The following SNAP91 variants were observed in gnomAD, a reference collection of about 807,000 sequenced individuals.
SNAP91 encodes the protein synaptosome associated protein 91.
In SNAP91, 27 loss-of-function variants were observed where a neutral mutation model predicts 100.3. The ratio of observed to expected loss-of-function variants is 0.27; its 90% confidence interval spans 0.20 to 0.37. SNAP91 has a LOEUF of 0.37. Ranked by LOEUF, SNAP91 falls within the 10% of genes least tolerant of loss-of-function variation. The probability of loss-of-function intolerance (pLI) is 1.00; values close to 1 mark genes in which losing one functional copy is unlikely to be tolerated. For synonymous variants in SNAP91, 404 were observed against 398.6 expected (o/e 1.01, Z -0.16); for missense variants, 986 against 1,123.7 (o/e 0.88, Z 1.75).
chr6:83,699,891 T>C (rs1460953277), intron 2 of SNAP91, among the ~76,000 whole-genome samples: 1 of 152,212 alleles, frequency 6.6e-6, no homozygotes, highest in African/African-American at 2.4e-5. Flanking sequence ...ATAACTGTCA[T>C]TCTAGAATCT....
At chr6:83,632,545 TAAAC>T (rs2097252393) in intron 8 of SNAP91, among the ~76,000 whole-genome samples, 1 of 152,218 alleles carries the variant, frequency 6.6e-6, no homozygotes, top group South Asian at 2.1e-4. Flanking sequence ...GTTTGGTTGT[TAAAC>T]AAAATCCCAG....
intron 2 of SNAP91, among the ~76,000 whole-genome samples, chr6:83,706,039 C>T (rs1470295272): frequency 6.6e-6 from 1 of 152,098 alleles, no homozygotes; most frequent in Admixed American, 6.5e-5. Flanking sequence ...TATTGGAAAA[C>T]CTCCTACCTT....
chr6:83,652,660 T>C (rs975577869), intron 7 of SNAP91, among the ~76,000 whole-genome samples: 2 of 152,170 alleles, frequency 1.3e-5, no homozygotes, highest in Non-Finnish European at 2.9e-5. Context: ...TAAAAGTTTT[T>C]ATTTTACCTT....
In SNAP91 at chr6:83,605,715, G is replaced by C. The variant is rs2095568110; in HGVS notation, c.1111C>G (p.Pro371Ala). ...AAAAAAPAPP[P>A]PAGGATAWGD... The stretch of plus-strand genomic sequence containing the variant: ...CATGCAGTGGCTCCTCCAGCAGGTG[G>C]TGGTGGTGCTGGTGCTGCGGCTGCT... Residue 371 changes from proline to alanine, a missense_variant, in exon 14 of 30, where the codon CCA (proline) becomes GCA (alanine). This residue lies in a region of SNAP91 where 575 missense variants were observed against 579.9 expected (regional missense o/e 0.99). Coordinates refer to ENST00000369694, the MANE Select transcript of SNAP91 (RefSeq NM_001242792.2). The C allele has an allele frequency of 3.9e-6, 6 of 1,552,298 alleles. No individual in the cohort carries two copies. Among genetic ancestry groups the C allele is most frequent in the Non-Finnish European group, 5.2e-6 (6 of 1,147,278 alleles).
At chr6:83,675,882 T>G (rs2098872547) in intron 2 of SNAP91, among the ~76,000 whole-genome samples, 2 of 112,590 alleles carry the variant, frequency 1.8e-5, no homozygotes. Flanking sequence ...AGATTCACCC[T>G]TTGGCTGCCA....
At chr6:83,690,457 A>C in intron 2 of SNAP91, 31 of 1,237,378 alleles carry the variant, frequency 2.5e-5, no homozygotes, top group Non-Finnish European at 3.3e-5. Context: ...AATGCAGCTC[A>C]GTTACACATT....
chr6:83,638,738 T>C (rs1036711753), intron 8 of SNAP91, among the ~76,000 whole-genome samples: 6 of 152,208 alleles, frequency 3.9e-5, no homozygotes, highest in Admixed American at 3.9e-4. Context: ...TTCCTCAACA[T>C]TGCTATTTTT....
intron 26 of SNAP91, among the ~76,000 whole-genome samples, chr6:83,567,179 C>A (rs1330676261): frequency 2.0e-5 from 3 of 152,108 alleles, no homozygotes; most frequent in Admixed American, 6.5e-5. Flanking sequence ...CTCAAGTGAT[C>A]CCCCCGCCTC....
intron 3 of SNAP91, among the ~76,000 whole-genome samples, chr6:83,665,049 T>C (rs1330128228): frequency 6.6e-6 from 1 of 152,124 alleles, no homozygotes; most frequent in Non-Finnish European, 1.5e-5. Context: ...AATTAAGATA[T>C]GTACTTTTTT....
intron 28 of SNAP91, among the ~76,000 whole-genome samples, chr6:83,559,222 C>G (rs957998324): frequency 1.3e-5 from 2 of 152,158 alleles, no homozygotes; most frequent in Middle Eastern, 3.2e-3. Flanking sequence ...CCACATGAAA[C>G]CAGCCTGATC....
At position 83,592,447 on chromosome 6, in the gene SNAP91, A is replaced by G; in HGVS notation, c.1930+8T>C. 3 of 1,599,250 alleles carry G rather than the reference A, an allele frequency of 1.9e-6. No individual in the cohort carries two copies. Among genetic ancestry groups the G allele is most frequent in the Non-Finnish European group, 2.6e-6 (3 of 1,170,702 alleles). On this transcript the variant is annotated splice_region_variant and intron_variant, in intron 21 of 29. Transcript: ENST00000369694. ...TTCCTTAAGTGTTGATGGAGGAGAA[A>G]TACGCACCCCCAAAAAGGTCTATGA... is the stretch of plus-strand genomic sequence containing the variant.
chr6:83,578,650 T>C (rs1024081693), intron 24 of SNAP91, among the ~76,000 whole-genome samples: 2 of 152,210 alleles, frequency 1.3e-5, no homozygotes, highest in Non-Finnish European at 2.9e-5. Flanking sequence ...TGATAAATGA[T>C]TTGCAAATAT....
intron 2 of SNAP91, among the ~76,000 whole-genome samples, chr6:83,679,316 A>T (rs2098954624): frequency 6.6e-6 from 1 of 152,168 alleles, no homozygotes; most frequent in African/African-American, 2.4e-5. Context: ...TCCCCTCCAT[A>T]AATATCCTTA....
At chr6:83,639,351 A>G (rs1301531083) in intron 8 of SNAP91, among the ~76,000 whole-genome samples, 2 of 152,206 alleles carry the variant, frequency 1.3e-5, no homozygotes, top group African/African-American at 4.8e-5. Context: ...TGTCCAAATT[A>G]TGAACAATGT....
At chr6:83,608,658 A>C (rs73751561) in intron 12 of SNAP91, among the ~76,000 whole-genome samples, 4,187 of 152,234 alleles carry the variant, frequency 0.028, 186 homozygotes, top group African/African-American at 0.093. Flanking sequence ...TCTGACTTCA[A>C]AGAGACCAAA....
intron 8 of SNAP91, among the ~76,000 whole-genome samples, chr6:83,629,106 T>C (rs1461150603): frequency 6.6e-6 from 1 of 152,198 alleles, no homozygotes; most frequent in Non-Finnish European, 1.5e-5. Context: ...CCCAGCACCA[T>C]TTATTGAAAA....
intron 2 of SNAP91, among the ~76,000 whole-genome samples, chr6:83,673,111 T>TTA (rs763597626): frequency 3.7e-4 from 57 of 152,214 alleles, no homozygotes; most frequent in Admixed American, 8.5e-4. Flanking sequence ...ATGGACAAGC[T>TTA]TATATATATA....
chr6:83,628,222 C>CATATATAT (rs57893971), intron 8 of SNAP91, among the ~76,000 whole-genome samples: 6,823 of 124,544 alleles, frequency 0.055, 385 homozygotes, highest in Non-Finnish European at 0.068. Context: ...TTCCATTTTA[C>CATATATAT]ATATATATAT....
chr6:83,621,318 C>T (rs6935324), intron 9 of SNAP91, among the ~76,000 whole-genome samples: 119,375 of 152,136 alleles, frequency 0.78, 47,176 homozygotes, highest in African/African-American at 0.86. Flanking sequence ...TGTATAGTAT[C>T]CCATGGTGTA....
Sources: gnomAD v4.1 joint callset for allele counts (sites outside exome capture counted in the v4.1 genomes callset) on GRCh38, gnomAD v4.1.1 for gene constraint, gnomAD v4.1.1 regional missense constraint, MANE v1.5 for transcripts, NCBI Gene and HGNC (gene_info 2026-07-23, HGNC 2026-07-21) for gene names.